Variants in SHC3 observed in about 807,000 individuals in gnomAD.
SHC3 encodes the protein SHC-transforming protein 3.
SHC3 carries 15 observed loss-of-function variants against 60.4 expected under a neutral mutation model. The observed-to-expected ratio is 0.25, with a 90% CI of 0.17 to 0.38. The LOEUF is 0.38. SHC3 is among the 10% of genes least tolerant of loss of function. The pLI is 1.00. For missense variants in SHC3, 677 were observed against 786.1 expected (o/e 0.86, Z 1.66); for synonymous variants, 294 against 325.9 (o/e 0.90, Z 1.05).
chr9:89,066,208 C>T (rs1825178330), intron 5 of SHC3, among the ~76,000 whole-genome samples: 1 of 152,128 alleles, frequency 6.6e-6, no homozygotes, highest in South Asian at 2.1e-4. Context: ...GGGGTAAGGG[C>T]TCAAAATTTG....
intron 1 of SHC3, among the ~76,000 whole-genome samples, chr9:89,130,326 A>T (rs1002337174): frequency 6.6e-6 from 1 of 152,318 alleles, no homozygotes; most frequent in South Asian, 2.1e-4. Flanking sequence ...GGAGACTTTA[A>T]CACCCCACTG....
rs1825968965 is a variant in SHC3 at position 89,008,184 on chromosome 9, A to T, written c.*5263T>A. The T allele has an allele frequency of 6.6e-6, 1 of 152,252 alleles. No homozygotes were observed. Among genetic ancestry groups the T allele is most frequent in the Non-Finnish European group, 1.5e-5 (1 of 68,044 alleles). The allele number at this position is 152,252 out of a possible 1,614,324, so 9.4% of individuals were successfully genotyped here. On this transcript the variant is annotated 3_prime_UTR_variant, in exon 12 of 12. Transcript: ENST00000375835. Reference sequence around the variant, plus strand: ...GTTGCTTGCAAACTTATAAATATGTATAAACCCCATTATAAATAAATTATG... The same window carrying T: ...GTTGCTTGCAAACTTATAAATATGTTTAAACCCCATTATAAATAAATTATG...
intron 1 of SHC3, among the ~76,000 whole-genome samples, chr9:89,156,569 C>CA (rs918476127): frequency 9.3e-5 from 14 of 151,304 alleles, no homozygotes; most frequent in South Asian, 6.3e-4. Context: ...ACCACAACAA[C>CA]AAAAAAAAAC....
chr9:89,074,298 A>C (rs1301342772), intron 4 of SHC3, among the ~76,000 whole-genome samples: 1 of 152,152 alleles, frequency 6.6e-6, no homozygotes, highest in Non-Finnish European at 1.5e-5. Flanking sequence ...TCCGAGCTCC[A>C]GCTCCGATAG....
At chr9:89,059,330 TGGTGGTGGAGGAC>T (rs1825024445) in intron 6 of SHC3, among the ~76,000 whole-genome samples, 1 of 63,536 alleles carries the variant, frequency 1.6e-5, no homozygotes, top group Non-Finnish European at 2.9e-5. Context: ...TTGTGGAGGA[TGGTGGTGGAGGAC>T]GGTGGTGGAG....
Position 89,010,223 on chromosome 9 carries a change from T to C in SHC3, c.*3224A>G, listed in dbSNP as rs1825997959. 6.6e-6 allele frequency: 1 copy of C among 152,224 alleles called. No homozygotes were observed. The highest frequency in any genetic ancestry group is 6.5e-5 in the Admixed American group (1 of 15,288). The allele number at this position is 152,224 out of a possible 1,614,324, so 9.4% of individuals were successfully genotyped here. ...GAGCGGACGCCCAGTCTTTGGGTGC[T>C]TCAAATATAAAAAACAGCAACAGTG... is the stretch of plus-strand genomic sequence containing the variant. On this transcript the variant is annotated 3_prime_UTR_variant, in exon 12 of 12. Coordinates refer to ENST00000375835, the MANE Select transcript of SHC3 (RefSeq NM_016848.6).
At chr9:89,144,760 G>A (rs377289148) in intron 1 of SHC3, among the ~76,000 whole-genome samples, 130 of 151,584 alleles carry the variant, frequency 8.6e-4, no homozygotes, top group African/African-American at 3.0e-3. Flanking sequence ...AGTATTTATT[G>A]CTTTGGTACT....
chr9:89,135,010 A>G (rs893683619), intron 1 of SHC3, among the ~76,000 whole-genome samples: 4 of 152,124 alleles, frequency 2.6e-5, no homozygotes, highest in African/African-American at 4.8e-5. Flanking sequence ...TTCAGAGCAT[A>G]TTTGTTTCTC....
intron 6 of SHC3, among the ~76,000 whole-genome samples, chr9:89,055,856 C>T (rs1824940187): frequency 6.6e-6 from 1 of 152,200 alleles, no homozygotes. Flanking sequence ...ACCATGCATC[C>T]CCAATAAGTG....
At chr9:89,042,259 G>A in intron 9 of SHC3, 75 bp from the exon 10 acceptor site, 2 of 1,438,952 alleles carry the variant, frequency 1.4e-6, no homozygotes, top group East Asian at 5.1e-5. Context: ...TCACAAAGAA[G>A]CTCTTCTGCC....
intron 2 of SHC3, among the ~76,000 whole-genome samples, chr9:89,106,470 A>G (rs946376006): frequency 4.6e-5 from 7 of 152,160 alleles, no homozygotes; most frequent in Non-Finnish European, 1.0e-4. Flanking sequence ...CCGCCCCTTC[A>G]GTGGTGGCTT....
chr9:89,153,646 G>C (rs1293027845), intron 1 of SHC3, among the ~76,000 whole-genome samples: 1 of 152,202 alleles, frequency 6.6e-6, no homozygotes, highest in Non-Finnish European at 1.5e-5. Flanking sequence ...TCAACCTCCT[G>C]TCCACCTCAA....
At chr9:89,138,602 G>A (rs575206456) in intron 1 of SHC3, among the ~76,000 whole-genome samples, 9 of 152,292 alleles carry the variant, frequency 5.9e-5, no homozygotes, top group Admixed American at 5.2e-4. Flanking sequence ...GTCTCATCCT[G>A]TGACTTAGAA....
intron 11 of SHC3, among the ~76,000 whole-genome samples, chr9:89,034,425 G>A (rs78352082): frequency 0.013 from 2,003 of 152,280 alleles, 20 homozygotes; most frequent in Non-Finnish European, 0.019. Flanking sequence ...TCCTTTTCAG[G>A]TTTGGAGTGG....
intron 1 of SHC3, among the ~76,000 whole-genome samples, chr9:89,115,466 G>C (rs947938500): frequency 6.6e-6 from 1 of 152,112 alleles, no homozygotes. Flanking sequence ...AAAATTGTGT[G>C]ACTATCATGG....
chr9:89,144,535 G>A (rs1477913922), intron 1 of SHC3, among the ~76,000 whole-genome samples: 1 of 152,158 alleles, frequency 6.6e-6, no homozygotes, highest in Non-Finnish European at 1.5e-5. Flanking sequence ...GGAGGAGCCA[G>A]GATTTGAGCC....
Position 89,046,271 on chromosome 9 carries a change from C to T in SHC3, c.1114-438G>A, listed in dbSNP as rs76949177. On this transcript the variant is annotated intron_variant, in intron 8 of 11. Transcript: ENST00000375835. ...TTCAAAAAATCAGGAAATTCCCTCT[C>T]AGTGTCAGATCCCTGAGCTCAACGT... Among the ~76,000 whole-genome samples, 1,292 of 152,220 alleles carry T rather than the reference C, an allele frequency of 8.5e-3. 8 individuals carry two copies. Among genetic ancestry groups the T allele is most frequent in the Non-Finnish European group, 0.013 (901 of 68,020 alleles).
intron 1 of SHC3, among the ~76,000 whole-genome samples, chr9:89,139,764 C>T (rs1489470897): frequency 6.6e-6 from 1 of 152,168 alleles, no homozygotes; most frequent in East Asian, 1.9e-4. Flanking sequence ...ACAGTCAAAG[C>T]GTTGGTAAAA....
intron 2 of SHC3, among the ~76,000 whole-genome samples, chr9:89,102,074 T>G (rs1362125834): frequency 6.6e-6 from 1 of 152,178 alleles, no homozygotes; most frequent in Non-Finnish European, 1.5e-5. Flanking sequence ...AAGAATTTGT[T>G]CATTTCATCT....
Sources: gnomAD v4.1 joint callset for allele counts (sites outside exome capture counted in the v4.1 genomes callset) on GRCh38, gnomAD v4.1.1 for gene constraint, MANE v1.5 for transcripts, NCBI Gene and HGNC (gene_info 2026-07-23, HGNC 2026-07-21) for gene names.